The following NEDD4L variants were observed in gnomAD, a reference collection of about 807,000 sequenced individuals.
NEDD4L encodes the protein E3 ubiquitin-protein ligase NEDD4-like.
In NEDD4L, 54 loss-of-function variants were observed where a neutral mutation model predicts 148.9. The observed-to-expected ratio is 0.36, with a 90% CI of 0.29 to 0.45. The LOEUF is 0.45. Among genes scored for constraint, NEDD4L ranks in the 20% least tolerant of loss-of-function variants. NEDD4L has a pLI of 1.00. For missense variants in NEDD4L, 856 were observed against 1,233.8 expected (o/e 0.69, Z 4.59); for synonymous variants, 433 against 440.7 (o/e 0.98, Z 0.22).
chr18:58,158,938 G>A (rs2035852863), intron 1 of NEDD4L, among the ~76,000 whole-genome samples: 1 of 152,152 alleles, frequency 6.6e-6, no homozygotes, highest in Non-Finnish European at 1.5e-5. Context: ...GAATGTGTCT[G>A]GTTCAGTTTT....
chr18:58,134,960 C>T (rs966629691), intron 1 of NEDD4L, among the ~76,000 whole-genome samples: 12 of 151,930 alleles, frequency 7.9e-5, no homozygotes, highest in South Asian at 2.1e-4. Flanking sequence ...CAATGGAAAG[C>T]GAAGGAACAT....
Position 58,349,657 on chromosome 18 carries a change from T to C in NEDD4L, c.1653+43T>C, listed in dbSNP as rs566131445. ...ACATGGAATGGTCTGAATATGTGTG[T>C]TCCTTTATCCGCTCAATGTTGATGG... On this transcript the variant is annotated intron_variant, in intron 17 of 30. Coordinates refer to ENST00000400345, the MANE Select transcript of NEDD4L (RefSeq NM_001144967.3). The C allele has an allele frequency of 3.4e-6, 5 of 1,463,268 alleles. No homozygotes were observed. In the South Asian group the frequency reaches 5.7e-5, roughly 17 times the overall value. 90.6% of individuals were successfully genotyped at this position (1,463,268 alleles called of 1,614,324 possible). A position where few individuals can be genotyped will look rare whatever the true frequency, so the allele number is the denominator to read the frequency against.
At chr18:58,147,473 C>T (rs1187112394) in intron 1 of NEDD4L, among the ~76,000 whole-genome samples, 1 of 152,190 alleles carries the variant, frequency 6.6e-6, no homozygotes, top group Non-Finnish European at 1.5e-5. Flanking sequence ...TTTTGTCTAG[C>T]CTCTGCTGCT....
intron 2 of NEDD4L, among the ~76,000 whole-genome samples, chr18:58,180,493 T>C (rs2038735175): frequency 6.6e-6 from 1 of 152,194 alleles, no homozygotes; most frequent in African/African-American, 2.4e-5. Flanking sequence ...GACAGCTCCC[T>C]ACCCCCTTTC....
intron 5 of NEDD4L, among the ~76,000 whole-genome samples, chr18:58,294,502 C>T (rs1002428693): frequency 6.6e-6 from 1 of 152,128 alleles, no homozygotes; most frequent in Admixed American, 6.5e-5. Flanking sequence ...GAAACTGTTG[C>T]TCTTTCAAAA....
In NEDD4L at chr18:58,257,925, T is replaced by C. The variant is rs571657701; in HGVS notation, c.297+5871T>C. ...TGTCTAGGGGACTTTTCTTTGGATT[T>C]CACTTATGAATTGTGATTTTGAAAA... On this transcript the variant is annotated intron_variant, in intron 5 of 30. Transcript: ENST00000400345. Among the ~76,000 whole-genome samples the C allele has an allele frequency of 4.6e-5, 7 of 152,344 alleles. No individual in the cohort carries two copies. In the South Asian group the frequency reaches 1.5e-3, roughly 32 times the overall value.
At chr18:58,205,604 A>G (rs1299806504) in intron 2 of NEDD4L, among the ~76,000 whole-genome samples, 1 of 151,798 alleles carries the variant, frequency 6.6e-6, no homozygotes, top group African/African-American at 2.4e-5. Context: ...GAGATGATTA[A>G]GTTAGTAAGA....
Position 58,248,942 on chromosome 18 carries a change from GT to G in NEDD4L, c.243+10del. 6.9e-7 allele frequency: 1 copy of G among 1,440,418 alleles called. No individual in the cohort carries two copies. Among genetic ancestry groups the G allele is most frequent in the Non-Finnish European group, 9.5e-7 (1 of 1,048,386 alleles). The allele number at this position is 1,440,418 out of a possible 1,614,324, so 89.2% of individuals were successfully genotyped here. On this transcript the variant is annotated splice_donor_region_variant and intron_variant, in intron 4 of 30. Coordinates refer to ENST00000400345, the MANE Select transcript of NEDD4L (RefSeq NM_001144967.3). The stretch of plus-strand genomic sequence containing the variant: ...AATGAAGAATTTTATTTCAGGGTAA[GT>G]TTTTCATTGTTTGGTAATAATTGTT...
intron 1 of NEDD4L, among the ~76,000 whole-genome samples, chr18:58,101,108 A>G (rs1486052311): frequency 1.3e-5 from 2 of 152,198 alleles, no homozygotes; most frequent in South Asian, 2.1e-4. Flanking sequence ...GCCTGGATGA[A>G]AAAGAAATAA....
chr18:58,336,099 G>T (rs540762221), intron 13 of NEDD4L: 1 of 152,380 alleles, frequency 6.6e-6, no homozygotes, highest in East Asian at 1.9e-4. Flanking sequence ...ACATAATTAG[G>T]ATATATAAGT....
chr18:58,219,338 G>A (rs1303749522), intron 2 of NEDD4L, among the ~76,000 whole-genome samples: 2 of 152,276 alleles, frequency 1.3e-5, no homozygotes, highest in African/African-American at 4.8e-5. Context: ...GCAAAAGTGA[G>A]CATACTCAAG....
intron 25 of NEDD4L, among the ~76,000 whole-genome samples, chr18:58,384,208 C>G (rs1488928135): frequency 1.3e-5 from 2 of 152,204 alleles, no homozygotes; most frequent in African/African-American, 4.8e-5. Flanking sequence ...TCAGTGTGAT[C>G]TGCAAAGAAA....
At chr18:58,069,150 A>T (rs1437726792) in intron 1 of NEDD4L, among the ~76,000 whole-genome samples, 1 of 151,718 alleles carries the variant, frequency 6.6e-6, no homozygotes, top group Non-Finnish European at 1.5e-5. Flanking sequence ...AAAAAAAAAA[A>T]AAAAAAAAAT....
chr18:58,247,917 G>A (rs935593275), intron 3 of NEDD4L, among the ~76,000 whole-genome samples: 2 of 152,178 alleles, frequency 1.3e-5, no homozygotes, highest in African/African-American at 4.8e-5. Flanking sequence ...AGTTGTGGGT[G>A]GGGAAAGTGC....
chr18:58,284,861 G>A (rs981734158), intron 5 of NEDD4L, among the ~76,000 whole-genome samples: 2 of 152,154 alleles, frequency 1.3e-5, no homozygotes, highest in Admixed American at 6.5e-5. Context: ...TGTGGAAAGC[G>A]TGTGGCTGGG....
chr18:58,215,847 T>G (rs537679846), intron 2 of NEDD4L, among the ~76,000 whole-genome samples: 8 of 152,266 alleles, frequency 5.3e-5, no homozygotes, highest in Non-Finnish European at 1.0e-4. Context: ...ATATAGTCTA[T>G]TTTGGTGATT....
intron 8 of NEDD4L, 118 bp downstream of exon 8, chr18:58,323,452 A>T: frequency 4.7e-6 from 3 of 633,784 alleles, no homozygotes; most frequent in Non-Finnish European, 8.3e-6. Context: ...AAAAAAGTAC[A>T]TATGTCCGCA....
chr18:58,254,727 C>T (rs2148546023), intron 5 of NEDD4L, among the ~76,000 whole-genome samples: 1 of 152,220 alleles, frequency 6.6e-6, no homozygotes, highest in South Asian at 2.1e-4. Context: ...ACTTTGGTGT[C>T]TGCCAGTCAT....
At chr18:58,117,936 T>C (rs1023929565) in intron 1 of NEDD4L, among the ~76,000 whole-genome samples, 11 of 152,230 alleles carry the variant, frequency 7.2e-5, no homozygotes, top group Non-Finnish European at 1.3e-4. Context: ...GGCTCTGCTT[T>C]ATTCAGGCAT....
Sources: allele counts gnomAD v4.1 joint callset (sites outside exome capture counted in the v4.1 genomes callset), GRCh38; gene constraint gnomAD v4.1.1; transcripts MANE v1.5; gene names NCBI Gene and HGNC (gene_info 2026-07-23, HGNC 2026-07-21).